The following POU1F1 variants were observed in gnomAD, a reference collection of about 807,000 sequenced individuals.
POU1F1 encodes pituitary-specific positive transcription factor 1.
In POU1F1, 23 loss-of-function variants were observed where a neutral mutation model predicts 32.3. That is an observed-to-expected ratio of 0.71 (90% CI 0.51 to 1.01). The LOEUF (loss-of-function observed/expected upper bound fraction) is 1.01, where lower values mean the gene tolerates loss of function less well. Ranked by LOEUF, POU1F1 falls within the 50% of genes least tolerant of loss-of-function variation. The pLI, the probability that POU1F1 is intolerant of heterozygous loss-of-function variation, is 0.00. For missense variants in POU1F1, 323 were observed against 341.6 expected, an observed-to-expected ratio of 0.95 and a Z score of 0.43; for synonymous variants, 120 against 115.6, an observed-to-expected ratio of 1.04 and a Z score of -0.25.
intron 1 of POU1F1, among the ~76,000 whole-genome samples, chr3:87,275,239 TA>T (rs1468359787): frequency 6.6e-6 from 1 of 151,988 alleles, no homozygotes; most frequent in Non-Finnish European, 1.5e-5. Flanking sequence ...AAATTTAATT[TA>T]AAAGGTAATA....
At chr3:87,264,174 T>C in intron 3 of POU1F1, 114 bp downstream of exon 3, 1 of 855,046 alleles carries the variant, frequency 1.2e-6, no homozygotes, top group Non-Finnish European at 1.9e-6. Context: ...ACGTCCACAG[T>C]AGAGATGAAG....
intron 2 of POU1F1, among the ~76,000 whole-genome samples, chr3:87,266,282 AT>A (rs1241151647): frequency 1.1e-4 from 16 of 146,520 alleles, no homozygotes; most frequent in South Asian, 6.3e-4. Flanking sequence ...AATGTATTAA[AT>A]TTTATATAAA....
At position 87,269,679 on chromosome 3, in the gene POU1F1, C is replaced by T. The variant is rs369503954; in HGVS notation, c.214+3668G>A. 2.6e-5 allele frequency among the ~76,000 whole-genome samples: 4 copies of T among 152,090 alleles called. No individual in the cohort carries two copies. In the East Asian group the frequency reaches 5.8e-4, roughly 22 times the overall value. On this transcript the variant is annotated intron_variant, in intron 2 of 5. Transcript: ENST00000350375. ...GCCCAGGCAGCAAGAATATTTTCAG[C>T]CATAACAATCTTTTCTTTTAATATC...
At chr3:87,273,168 C>T (rs892178778) in intron 2 of POU1F1, among the ~76,000 whole-genome samples, 179 bp downstream of exon 2, 1 of 151,830 alleles carries the variant, frequency 6.6e-6, no homozygotes, top group Admixed American at 6.6e-5. Flanking sequence ...TTAGGTATAA[C>T]CCCTATGGTC....
chr3:87,275,057 C>T, intron 1 of POU1F1, among the ~76,000 whole-genome samples: 1 of 151,862 alleles, frequency 6.6e-6, no homozygotes, highest in East Asian at 1.9e-4. Flanking sequence ...TATTCTCAAT[C>T]TATAGGATGA....
chr3:87,276,488 G>A lies in POU1F1; in HGVS notation c.-26C>T, dbSNP rs779842896. ...TCCCACAAGAGAGTAGAAAAATAAG[G>A]AGAACCGCTGCTCCCCAAATCAGAG... On this transcript the variant is annotated 5_prime_UTR_variant, in exon 1 of 6. Transcript: ENST00000350375. 1.9e-6 allele frequency: 3 copies of A among 1,612,028 alleles called. No individual in the cohort carries two copies. The highest frequency in any genetic ancestry group is 2.5e-6 in the Non-Finnish European group (3 of 1,178,836).
rs1320014559 is a variant in POU1F1 at position 87,276,439 on chromosome 3, C to T, written c.24G>A (p.Ser8=). ...AATTCAGAGGTATAAAGGTATCAGC[C>T]GAAGTAAAAGCTTGGCAACTCATTC... The part of the protein sequence containing the change: MSCQAFT[S]ADTFIPLNSD... Residue 8 remains serine (S), a synonymous_variant, in exon 1 of 6, where the codon TCG becomes TCA. Coordinates refer to ENST00000350375, the MANE Select transcript of POU1F1 (RefSeq NM_000306.4). 1 of 1,613,602 alleles carries T rather than the reference C, an allele frequency of 6.2e-7. No individual in the cohort carries two copies.
intron 1 of POU1F1, 39 bp downstream of exon 1, chr3:87,276,282 T>G: frequency 1.2e-6 from 2 of 1,601,550 alleles, no homozygotes; most frequent in Non-Finnish European, 1.7e-6. Flanking sequence ...CTGAAATATT[T>G]AGGCCCGGTC....
chr3:87,260,652 T>C (rs917718985), intron 5 of POU1F1, among the ~76,000 whole-genome samples: 18 of 152,184 alleles, frequency 1.2e-4, no homozygotes, highest in African/African-American at 4.3e-4. Context: ...TTAAATACTA[T>C]AGACACCATG....
intron 5 of POU1F1, 66 bp downstream of exon 5, chr3:87,261,207 T>C: frequency 8.5e-7 from 1 of 1,177,890 alleles, no homozygotes; most frequent in Non-Finnish European, 1.2e-6. Context: ...TGCATTACAC[T>C]CAAATGCTCA....
intron 2 of POU1F1, among the ~76,000 whole-genome samples, chr3:87,273,119 C>T (rs1046233130): frequency 1.3e-5 from 2 of 151,884 alleles, no homozygotes; most frequent in Non-Finnish European, 2.9e-5. Flanking sequence ...AAAGCAAACT[C>T]AAGAAGCACA....
intron 2 of POU1F1, 28 bp downstream of exon 2, chr3:87,273,319 A>C: frequency 6.3e-7 from 1 of 1,597,684 alleles, no homozygotes. Context: ...CCCAAATTCA[A>C]TAACATGTAA....
In POU1F1 at chr3:87,276,361, A is replaced by G. The variant is rs374097539; in HGVS notation, c.102T>C (p.Cys34=). 1.2e-6 allele frequency: 2 copies of G among 1,614,060 alleles called. No homozygotes were observed. The highest frequency in any genetic ancestry group is 1.7e-6 in the Non-Finnish European group (2 of 1,179,938). Residue 34 remains cysteine, a synonymous_variant, in exon 1 of 6, where the codon TGT becomes TGC. Transcript: ENST00000350375. ...PLIMHHSAAE[C]LPVSNHATNV... The stretch of plus-strand genomic sequence containing the variant: ...TGGTGGCATGGTTGGAGACTGGTAG[A>G]CACTCGGCAGCACTGTGATGCATTA...
At chr3:87,274,663 A>G (rs1322947258) in intron 1 of POU1F1, among the ~76,000 whole-genome samples, 1 of 151,556 alleles carries the variant, frequency 6.6e-6, no homozygotes, top group Admixed American at 6.6e-5. Flanking sequence ...TAAGCAAATT[A>G]TCATTAAACA....
chr3:87,273,516 G>C (rs146289805), intron 1 of POU1F1, 98 bp from the exon 2 acceptor site: 79 of 1,567,560 alleles, frequency 5.0e-5, no homozygotes, highest in Non-Finnish European at 5.7e-5. Flanking sequence ...AAATGTATAA[G>C]GATTCAAGAC....
rs147095437 is a variant in POU1F1 at position 87,264,338 on chromosome 3, C to G, written c.389G>C (p.Arg130Thr). The G allele has an allele frequency of 5.0e-6, 8 of 1,613,940 alleles. No homozygotes were observed. The highest frequency in any genetic ancestry group is 5.1e-6 in the Non-Finnish European group (6 of 1,179,898). The change falls in exon 3 of 6, where the codon AGA becomes ACA. Residue 130 changes from arginine (R) to threonine (T), a missense_variant. By Grantham distance (71) the Arg-to-Thr change is moderately conservative. Coordinates refer to ENST00000350375, the MANE Select transcript of POU1F1 (RefSeq NM_000306.4). ...EPIDMDSPEI[R>T]ELEKFANEFK... ...TTCATTGGCAAACTTTTCAAGTTCT[C>G]TGATTTCTGGAGAATCCATGTCTAT...
At position 87,259,756 on chromosome 3, in the gene POU1F1, A is replaced by T. The variant is rs190287993; in HGVS notation, c.*138T>A. On this transcript the variant is annotated 3_prime_UTR_variant, in exon 6 of 6. Transcript: ENST00000350375. ...TTAAATTGTTGGTTTCTTTTTTTTA[A>T]AAAAAAGTGGAAAAGTAAAGCTTCT... is the stretch of plus-strand genomic sequence containing the variant. The T allele has an allele frequency of 5.8e-3, 4,203 of 720,706 alleles. 132 individuals carry two copies. The African/African-American group carries it at 0.066, about 11-fold the overall frequency. 44.6% of individuals were successfully genotyped at this position (720,706 alleles called of 1,614,324 possible).
Position 87,269,943 on chromosome 3 carries a change from C to A in POU1F1, c.214+3404G>T, listed in dbSNP as rs528900907. Among the ~76,000 whole-genome samples the A allele has an allele frequency of 5.9e-5, 9 of 152,208 alleles. No individual in the cohort carries two copies. In the East Asian group the frequency reaches 1.7e-3, roughly 29 times the overall value. On this transcript the variant is annotated intron_variant, in intron 2 of 5. Transcript: ENST00000350375. ...CACAGGACAGCAGAAAGGGTGAACC[C>A]CCATTGAGCTTGTTTCCTGAATTGT...
At chr3:87,267,750 A>G (rs1378079252) in intron 2 of POU1F1, among the ~76,000 whole-genome samples, 5 of 152,096 alleles carry the variant, frequency 3.3e-5, no homozygotes, top group African/African-American at 1.2e-4. Context: ...ATCTACAGGC[A>G]TGCACCGCCA....
Sources: allele counts gnomAD v4.1 joint callset (sites outside exome capture counted in the v4.1 genomes callset), GRCh38; gene constraint gnomAD v4.1.1; transcripts MANE v1.5; gene names NCBI Gene and HGNC (gene_info 2026-07-23, HGNC 2026-07-21).